Variants in ZNF280D observed in about 807,000 individuals in gnomAD.
The protein encoded by ZNF280D is suppressor of hairy wing homolog 4.
In ZNF280D, 39 loss-of-function variants were observed where a neutral mutation model predicts 94.7. That is an observed-to-expected ratio of 0.41 (90% confidence interval 0.32 to 0.54). ZNF280D has a LOEUF of 0.54. ZNF280D is among the 20% of genes least tolerant of loss of function. The pLI, the probability that ZNF280D is intolerant of heterozygous loss-of-function variation, is 0.22. For missense variants in ZNF280D, 1,090 were observed against 1,149.3 expected (o/e 0.95, Z 0.75); for synonymous variants, 398 against 377.6 (o/e 1.05, Z -0.63).
At chr15:56,703,731 G>C (rs559736) in intron 4 of ZNF280D, among the ~76,000 whole-genome samples, 64,048 of 151,542 alleles carry the variant, frequency 0.42, 13,889 homozygotes, top group Middle Eastern at 0.55. Flanking sequence ...ACACATGCCT[G>C]TAGTGCCAGC....
chr15:56,718,188 T>A (rs1357795177), intron 1 of ZNF280D, among the ~76,000 whole-genome samples: 2 of 152,120 alleles, frequency 1.3e-5, no homozygotes, highest in Non-Finnish European at 2.9e-5. Context: ...AAATATCTGA[T>A]AATCAACCTG....
Position 56,707,116 on chromosome 15 carries a change from G to A in ZNF280D, c.-7C>T, listed in dbSNP as rs773635788. ...GAAAAGGGTTGTCGCCCATCAAGCTGCAGAGATGACTTTCTGTAAATTGTC... is the reference window on the plus strand; with the variant it reads ...GAAAAGGGTTGTCGCCCATCAAGCTACAGAGATGACTTTCTGTAAATTGTC... On this transcript the variant is annotated 5_prime_UTR_variant, in exon 3 of 22. Coordinates refer to ENST00000267807, the MANE Select transcript of ZNF280D (RefSeq NM_017661.4). 2 of 1,613,888 alleles carry A rather than the reference G, an allele frequency of 1.2e-6. No individual in the cohort carries two copies. Among genetic ancestry groups the A allele is most frequent in the Non-Finnish European group, 8.5e-7 (1 of 1,179,922 alleles).
intron 19 of ZNF280D, chr15:56,645,251 A>G (rs1006699826): frequency 1.3e-5 from 2 of 152,324 alleles, no homozygotes; most frequent in South Asian, 2.1e-4. Flanking sequence ...ATGACCCACC[A>G]TTAGGTAATT....
chr15:56,636,223 T>C (rs1340532031), intron 20 of ZNF280D, among the ~76,000 whole-genome samples: 6 of 152,120 alleles, frequency 3.9e-5, no homozygotes, highest in African/African-American at 1.2e-4. Flanking sequence ...AGGAAAGTCA[T>C]TGGAAGAGTG....
intron 1 of ZNF280D, among the ~76,000 whole-genome samples, chr15:56,723,687 A>C (rs2058488970): frequency 6.6e-6 from 1 of 152,066 alleles, no homozygotes; most frequent in Non-Finnish European, 1.5e-5. Context: ...ACTTCCTTCA[A>C]AATATTTCCC....
At chr15:56,657,621 T>C (rs1220983984) in intron 17 of ZNF280D, among the ~76,000 whole-genome samples, 1 of 152,146 alleles carries the variant, frequency 6.6e-6, no homozygotes, top group African/African-American at 2.4e-5. Context: ...TATTTTCAAA[T>C]TAGGTACCCT....
chr15:56,710,955 T>A (rs941511173), intron 1 of ZNF280D, among the ~76,000 whole-genome samples: 1 of 152,218 alleles, frequency 6.6e-6, no homozygotes, highest in Admixed American at 6.5e-5. Flanking sequence ...AACCAAGTCA[T>A]AGTACCAGCA....
chr15:56,668,268 AG>A (rs1459411505), intron 14 of ZNF280D: 5 of 405,704 alleles, frequency 1.2e-5, no homozygotes. Flanking sequence ...CAGAGAAAAC[AG>A]ATGTACATAA....
chr15:56,635,324 C>A (rs567784921), intron 20 of ZNF280D, 74 bp from the exon 21 acceptor site: 45 of 745,112 alleles, frequency 6.0e-5, no homozygotes, highest in Non-Finnish European at 8.1e-5. Flanking sequence ...ACTAAACTTT[C>A]TGGATAAAAG....
chr15:56,720,878 T>C (rs1408979195), intron 1 of ZNF280D, among the ~76,000 whole-genome samples: 2 of 151,262 alleles, frequency 1.3e-5, no homozygotes, highest in Non-Finnish European at 2.9e-5. Flanking sequence ...GTAAACCACG[T>C]TTACATCTGG....
chr15:56,645,287 A>C (rs1272994073), intron 19 of ZNF280D: 8 of 152,232 alleles, frequency 5.3e-5, no homozygotes, highest in African/African-American at 1.9e-4. Flanking sequence ...GAATGTTACA[A>C]TACTTCTTAA....
At chr15:56,694,734 C>T (rs145774431) in intron 6 of ZNF280D, among the ~76,000 whole-genome samples, 4 of 151,810 alleles carry the variant, frequency 2.6e-5, no homozygotes, top group South Asian at 2.1e-4. Context: ...CTAGAAAATA[C>T]GAGGAAATTA....
At chr15:56,686,568 A>G (rs2056029702) in intron 9 of ZNF280D, among the ~76,000 whole-genome samples, 1 of 152,228 alleles carries the variant, frequency 6.6e-6, no homozygotes, top group South Asian at 2.1e-4. Flanking sequence ...GTGTTTCCCA[A>G]TCCAGGACAG....
chr15:56,698,002 A>G (rs574758958), intron 6 of ZNF280D: 13 of 152,194 alleles, frequency 8.5e-5, no homozygotes, highest in Non-Finnish European at 1.5e-4. Flanking sequence ...ATTCTGCCTC[A>G]CAGGAATATA....
intron 19 of ZNF280D, among the ~76,000 whole-genome samples, chr15:56,651,338 A>T (rs2053191615): frequency 1.3e-5 from 2 of 152,224 alleles, no homozygotes; most frequent in Admixed American, 6.5e-5. Flanking sequence ...TGACCAGATG[A>T]ATAAACTAGA....
intron 16 of ZNF280D, among the ~76,000 whole-genome samples, chr15:56,659,108 T>C (rs916073983): frequency 2.7e-5 from 4 of 147,930 alleles, no homozygotes; most frequent in Admixed American, 2.1e-4. Flanking sequence ...TCTGCCTCAG[T>C]CTCCTGGGTA....
chr15:56,703,724 C>G (rs1014777353), intron 4 of ZNF280D, among the ~76,000 whole-genome samples: 2 of 152,038 alleles, frequency 1.3e-5, no homozygotes, highest in South Asian at 4.1e-4. Context: ...CATGGTAACA[C>G]ATGCCTGTAG....
chr15:56,715,380 T>A (rs1350521356), intron 1 of ZNF280D, among the ~76,000 whole-genome samples: 1 of 152,122 alleles, frequency 6.6e-6, no homozygotes, highest in Non-Finnish European at 1.5e-5. Context: ...CTATTCCCAA[T>A]CCCACTCACT....
intron 9 of ZNF280D, among the ~76,000 whole-genome samples, chr15:56,683,361 A>T (rs1172534748): frequency 1.3e-5 from 2 of 148,878 alleles, no homozygotes; most frequent in African/African-American, 2.6e-5. Flanking sequence ...CTTAGATTTA[A>T]GGTTTTATAG....
Sources: allele counts gnomAD v4.1 joint callset (sites outside exome capture counted in the v4.1 genomes callset), GRCh38; gene constraint gnomAD v4.1.1; transcripts MANE v1.5; gene names NCBI Gene and HGNC (gene_info 2026-07-23, HGNC 2026-07-21).